The following ACTR10 variants were observed in gnomAD, a reference collection of about 807,000 sequenced individuals.
The protein encoded by ACTR10 is actin related protein 10.
Under a neutral mutation model 56.2 loss-of-function variants are expected in ACTR10, and 43 were observed. The observed-to-expected ratio is 0.77, with a 90% CI of 0.60 to 0.99. The LOEUF is 0.99. Among genes scored for constraint, ACTR10 ranks in the 50% least tolerant of loss-of-function variants. The pLI is 0.00. For synonymous variants in ACTR10, 170 were observed against 176.3 expected (o/e 0.96, Z 0.28); for missense variants, 466 against 507.8 (o/e 0.92, Z 0.79).
At chr14:58,208,261 A>G (rs1231843868) in intron 3 of ACTR10, among the ~76,000 whole-genome samples, 1 of 152,220 alleles carries the variant, frequency 6.6e-6, no homozygotes, top group Non-Finnish European at 1.5e-5. Context: ...ATTATTCTAC[A>G]TTCATACAGT....
At chr14:58,203,594 GAAT>G (rs1888783306) in intron 2 of ACTR10, among the ~76,000 whole-genome samples, 2 of 151,866 alleles carry the variant, frequency 1.3e-5, no homozygotes, top group Admixed American at 1.3e-4. Context: ...TATGTAAATG[GAAT>G]CATATATCAA....
chr14:58,205,252 C>T (rs1888827976), intron 2 of ACTR10, among the ~76,000 whole-genome samples: 1 of 151,106 alleles, frequency 6.6e-6, no homozygotes. Flanking sequence ...CAAAAAAAAA[C>T]ATGTTATAGC....
chr14:58,221,787 GCA>G (rs1889276829), intron 8 of ACTR10, among the ~76,000 whole-genome samples: 2 of 151,756 alleles, frequency 1.3e-5, no homozygotes, highest in South Asian at 4.2e-4. Context: ...GCATGGTGGT[GCA>G]CACCTGTAGT....
At chr14:58,210,185 G>T (rs1452211920) in intron 4 of ACTR10, among the ~76,000 whole-genome samples, 3 of 151,956 alleles carry the variant, frequency 2.0e-5, no homozygotes, top group South Asian at 2.1e-4. Context: ...CCATTATTTT[G>T]TCTGCCATTC....
intron 10 of ACTR10, among the ~76,000 whole-genome samples, chr14:58,226,499 A>C (rs947278253): frequency 1.3e-5 from 2 of 151,860 alleles, no homozygotes; most frequent in African/African-American, 4.8e-5. Context: ...GAAAATGCTA[A>C]TGTGAATAAA....
chr14:58,213,819 C>T (rs758782525), intron 6 of ACTR10, 121 bp downstream of exon 6: 8 of 669,216 alleles, frequency 1.2e-5, no homozygotes, highest in East Asian at 5.9e-5. Context: ...TTATTCATTC[C>T]GCCCTCTATT....
intron 8 of ACTR10, among the ~76,000 whole-genome samples, chr14:58,222,059 CAT>C (rs1050649887): frequency 2.0e-5 from 3 of 152,078 alleles, no homozygotes; most frequent in Non-Finnish European, 4.4e-5. Context: ...ATTCTCAACA[CAT>C]GTGTTTTGAA....
intron 1 of ACTR10, among the ~76,000 whole-genome samples, chr14:58,202,016 A>AG (rs2140039465): frequency 1.3e-5 from 2 of 151,696 alleles, no homozygotes; most frequent in Admixed American, 1.3e-4. Context: ...AAAAAAAAAA[A>AG]AAAAAGTGAT....
chr14:58,231,730 C>T (rs894530722), intron 11 of ACTR10, among the ~76,000 whole-genome samples: 1 of 152,194 alleles, frequency 6.6e-6, no homozygotes, highest in African/African-American at 2.4e-5. Flanking sequence ...TATTTCTTCT[C>T]ATGCTCTTTG....
At position 58,213,507 on chromosome 14, in the gene ACTR10, T is replaced by C; in HGVS notation, c.451-124T>C. 3 of 507,634 alleles carry C rather than the reference T, an allele frequency of 5.9e-6. No individual in the cohort carries two copies. The East Asian group carries it at 1.0e-4, about 17-fold the overall frequency. 31.4% of individuals were successfully genotyped at this position (507,634 alleles called of 1,614,324 possible). On this transcript the variant is annotated intron_variant, in intron 5 of 12. Transcript: ENST00000254286. ...CTCTTTGATTTTTCTGTAACTATGTTAAAAATAAGAAATAAAAATTTGTCA... is the reference window on the plus strand; with the variant it reads ...CTCTTTGATTTTTCTGTAACTATGTCAAAAATAAGAAATAAAAATTTGTCA...
At chr14:58,204,817 G>A (rs1225538196) in intron 2 of ACTR10, among the ~76,000 whole-genome samples, 1 of 152,142 alleles carries the variant, frequency 6.6e-6, no homozygotes, top group Admixed American at 6.5e-5. Flanking sequence ...CTTGATGAAA[G>A]TTATACTTCC....
At position 58,200,363 on chromosome 14, in the gene ACTR10, C is replaced by A. The variant is rs113130132; in HGVS notation, c.77+69C>A. 4 of 1,326,514 alleles carry A rather than the reference C, an allele frequency of 3.0e-6. No homozygotes were observed. In the East Asian group the frequency reaches 1.1e-4, roughly 38 times the overall value. The allele number at this position is 1,326,514 out of a possible 1,614,324, so 82.2% of individuals were successfully genotyped here. On this transcript the variant is annotated intron_variant, in intron 1 of 12. Transcript: ENST00000254286. The stretch of plus-strand genomic sequence containing the variant: ...CGGGTGGCAGAGCCCCAGGCACTGC[C>A]TGGGTCCTCATCGCCGACTCGCTGG...
At chr14:58,220,241 A>G (rs1889230533) in intron 8 of ACTR10, among the ~76,000 whole-genome samples, 1 of 152,194 alleles carries the variant, frequency 6.6e-6, no homozygotes, top group African/African-American at 2.4e-5. Context: ...CATTTAAAAT[A>G]TAATCTTCAA....
intron 2 of ACTR10, among the ~76,000 whole-genome samples, chr14:58,205,320 T>TC (rs1431462581): frequency 6.7e-6 from 1 of 150,016 alleles, no homozygotes; most frequent in East Asian, 1.9e-4. Flanking sequence ...AAATCTTTTT[T>TC]TTTTTTTTTT....
Position 58,234,425 on chromosome 14 carries a change from A to G in ACTR10, c.1128A>G (p.Glu376=), listed in dbSNP as rs557683145. 1.2e-6 allele frequency: 2 copies of G among 1,612,338 alleles called. No homozygotes were observed. The highest frequency in any genetic ancestry group is 1.3e-5 in the African/African-American group (1 of 75,028). ...DILGSRSVSK[E]YYNQTGRIPD... is the part of the protein sequence containing the mutation. The stretch of plus-strand genomic sequence containing the variant: ...TTGGGAGCCGTTCTGTTTCAAAGGA[A>G]TATTATAATCAGACGGGCCGTATAC... The change falls in exon 13 of 13, where the codon GAA becomes GAG. Residue 376 remains glutamate (E), a synonymous_variant. Transcript: ENST00000254286.
intron 1 of ACTR10, 112 bp downstream of exon 1, chr14:58,200,406 CT>C: frequency 3.7e-6 from 3 of 802,432 alleles, no homozygotes; most frequent in South Asian, 3.4e-5. Context: ...CGGGCCTCCC[CT>C]TTTCTTCAAC....
intron 7 of ACTR10, among the ~76,000 whole-genome samples, chr14:58,216,003 CATTG>C (rs1283478368): frequency 2.7e-5 from 4 of 148,376 alleles, no homozygotes; most frequent in African/African-American, 1.0e-4. Flanking sequence ...CCTTCCACAC[CATTG>C]AACACCCGAG....
chr14:58,205,314 CTT>C (rs35929902), intron 2 of ACTR10, among the ~76,000 whole-genome samples: 21 of 129,590 alleles, frequency 1.6e-4, no homozygotes, highest in Non-Finnish European at 1.1e-4. Flanking sequence ...CATCAGAAAT[CTT>C]TTTTTTTTTT....
Position 58,232,077 on chromosome 14 carries a change from C to T in ACTR10, c.882C>T (p.Asp294=), listed in dbSNP as rs761981877. The T allele has an allele frequency of 4.2e-5, 68 of 1,612,630 alleles. No individual in the cohort carries two copies. The highest frequency in any genetic ancestry group is 5.3e-5 in the Non-Finnish European group (63 of 1,179,114). ...CTTTTTAATAACAGTGTCCGATAGA[C>T]ACCAGGAAGCAACTAGCAGAGAATT... ...ILDSLIQCPI[D]TRKQLAENLV... is the part of the protein sequence containing the mutation. The change falls in exon 12 of 13, where the codon GAC becomes GAT. Residue 294 remains aspartate, a synonymous_variant. Coordinates refer to ENST00000254286, the MANE Select transcript of ACTR10 (RefSeq NM_018477.3).
Sources: allele counts gnomAD v4.1 joint callset (sites outside exome capture counted in the v4.1 genomes callset), GRCh38; gene constraint gnomAD v4.1.1; transcripts MANE v1.5; gene names NCBI Gene and HGNC (gene_info 2026-07-23, HGNC 2026-07-21).